Variants in DYNC2H1 observed in about 807,000 individuals in gnomAD.
DYNC2H1 encodes cytoplasmic dynein 2 heavy chain 1.
Under a neutral mutation model 570.0 loss-of-function variants are expected in DYNC2H1, and 410 were observed. The ratio of observed to expected loss-of-function variants is 0.72; its 90% CI spans 0.66 to 0.78. The LOEUF (loss-of-function observed/expected upper bound fraction) is 0.78. Among genes scored for constraint, DYNC2H1 ranks in the 30% least tolerant of loss-of-function variants. The probability of loss-of-function intolerance (pLI) is 0.00; values close to 1 mark genes in which losing one functional copy is unlikely to be tolerated. For missense variants in DYNC2H1, 4,865 were observed against 5,046.4 expected (o/e 0.96, Z 1.09); for synonymous variants, 1,688 against 1,677.6 (o/e 1.01, Z -0.15).
chr11:103,172,712 C>A (rs1331083206), intron 34 of DYNC2H1, among the ~76,000 whole-genome samples: 1 of 151,974 alleles, frequency 6.6e-6, no homozygotes, highest in Non-Finnish European at 1.5e-5. Flanking sequence ...TTATTTAGTT[C>A]AGTTGTCTCT....
At position 103,303,181 on chromosome 11, in the gene DYNC2H1, T is replaced by A. The variant is rs863224375; in HGVS notation, c.11184T>A (p.Ser3728=). The A allele has an allele frequency of 1.2e-6, 2 of 1,612,800 alleles. No individual in the cohort carries two copies. The highest frequency in any genetic ancestry group is 1.7e-6 in the Non-Finnish European group (2 of 1,179,102). Residue 3728 remains serine (S), a synonymous_variant, in exon 76 of 89, where the codon TCT becomes TCA. Coordinates refer to ENST00000375735, the MANE Select transcript of DYNC2H1 (RefSeq NM_001377.3). ...LEIEPILIII[S]PGADPSQELQ... Reference sequence around the variant, plus strand: ...TTGAACCCATCTTGATAATTATTTCTCCGGGTGCTGATCCTTCTCAGGAAC... The same window carrying A: ...TTGAACCCATCTTGATAATTATTTCACCGGGTGCTGATCCTTCTCAGGAAC...
Position 103,363,091 on chromosome 11 carries a change from T to C in DYNC2H1, c.12156+4732T>C, listed in dbSNP as rs1177373801. 6.6e-6 allele frequency among the ~76,000 whole-genome samples: 1 copy of C among 152,032 alleles called. No individual in the cohort carries two copies. Among genetic ancestry groups the C allele is most frequent in the Non-Finnish European group, 1.5e-5 (1 of 68,008 alleles). ...TAACAGGCATTTCATTTAAGTATACTGACAGCTGGTCTAGGTTTAGCTTGA... is the reference window on the plus strand; with the variant it reads ...TAACAGGCATTTCATTTAAGTATACCGACAGCTGGTCTAGGTTTAGCTTGA... On this transcript the variant is annotated intron_variant, in intron 83 of 88. Transcript: ENST00000375735. The surrounding 1 kb of genome is among the most constrained non-coding windows in gnomAD (Gnocchi z 5.6).
At position 103,145,223 on chromosome 11, in the gene DYNC2H1, A is replaced by G. The variant is rs1860180383; in HGVS notation, c.2702+1828A>G. ...TATCTTGTTGGAACTCAAAATGAGG[A>G]GGAGGAAATAGTATGAGGAATTAAG... On this transcript the variant is annotated intron_variant, in intron 18 of 88. Coordinates refer to ENST00000375735, the MANE Select transcript of DYNC2H1 (RefSeq NM_001377.3). The surrounding 1 kb of genome is among the most constrained non-coding windows in gnomAD (Gnocchi z 4.2). 6.6e-6 allele frequency among the ~76,000 whole-genome samples: 1 copy of G among 152,136 alleles called. No homozygotes were observed. The highest frequency in any genetic ancestry group is 6.6e-5 in the Admixed American group (1 of 15,264).
rs1050049625 is a variant in DYNC2H1 at position 103,205,239 on chromosome 11, T to C, written c.8454+275T>C. On this transcript the variant is annotated intron_variant, in intron 52 of 88. Coordinates refer to ENST00000375735, the MANE Select transcript of DYNC2H1 (RefSeq NM_001377.3). The surrounding 1 kb of genome is among the most constrained non-coding windows in gnomAD (Gnocchi z 4.5). ...TAATTAACTAGCCTATTACAGGCTG[T>C]CCTAGATTTTTAAAAAATCATAGCA... 6.6e-6 allele frequency among the ~76,000 whole-genome samples: 1 copy of C among 152,180 alleles called. No homozygotes were observed.
At chr11:103,381,157 A>C (rs1306505677) in intron 83 of DYNC2H1, among the ~76,000 whole-genome samples, 1 of 152,186 alleles carries the variant, frequency 6.6e-6, no homozygotes, top group Non-Finnish European at 1.5e-5. Context: ...AGAAGTTATA[A>C]TGTTCTAAGA....
chr11:103,330,345 A>G (rs558587750), intron 82 of DYNC2H1, among the ~76,000 whole-genome samples: 1 of 152,140 alleles, frequency 6.6e-6, no homozygotes, highest in African/African-American at 2.4e-5. Flanking sequence ...GTTTGAGTAA[A>G]TGAGAAACAC....
chr11:103,425,385 A>G (rs1434227553), intron 84 of DYNC2H1, among the ~76,000 whole-genome samples: 1 of 152,120 alleles, frequency 6.6e-6, no homozygotes, highest in Non-Finnish European at 1.5e-5. Context: ...CGCCTTCCAC[A>G]TTGCAGGCAG....
At chr11:103,387,437 C>T (rs1009454199) in intron 83 of DYNC2H1, among the ~76,000 whole-genome samples, 6 of 152,126 alleles carry the variant, frequency 3.9e-5, no homozygotes, top group African/African-American at 1.4e-4. Context: ...AAAATTTTCT[C>T]CTATTCTGTC....
intron 88 of DYNC2H1, among the ~76,000 whole-genome samples, chr11:103,476,918 G>A (rs1945570001): frequency 6.6e-6 from 1 of 152,218 alleles, no homozygotes; most frequent in South Asian, 2.1e-4. Context: ...CCAAAAAGCT[G>A]ATTTTTTCTA....
intron 85 of DYNC2H1, among the ~76,000 whole-genome samples, chr11:103,441,944 C>A (rs929094884): frequency 6.6e-6 from 1 of 152,064 alleles, no homozygotes; most frequent in Non-Finnish European, 1.5e-5. Flanking sequence ...CCTAACTCAT[C>A]TTAGTAACTT....
At position 103,135,649 on chromosome 11, in the gene DYNC2H1, C is replaced by T. The variant is rs775605722; in HGVS notation, c.2345+15C>T. On this transcript the variant is annotated intron_variant, in intron 16 of 88. Coordinates refer to ENST00000375735, the MANE Select transcript of DYNC2H1 (RefSeq NM_001377.3). ...TTAACTTACAAGTAAGATGTTTTTT[C>T]AACCCCAATTTAATGTTCATTGTAT... 3 of 1,607,756 alleles carry T rather than the reference C, an allele frequency of 1.9e-6. No homozygotes were observed. In the South Asian group the frequency reaches 3.4e-5, roughly 18 times the overall value.
chr11:103,328,741 GTTTT>G (rs1236622962), intron 82 of DYNC2H1, among the ~76,000 whole-genome samples: 3 of 152,132 alleles, frequency 2.0e-5, no homozygotes, highest in Non-Finnish European at 4.4e-5. Flanking sequence ...GTAGTTAGCA[GTTTT>G]TTTGTTTTTG....
At chr11:103,282,073 C>T in intron 71 of DYNC2H1, 106 bp from the exon 72 acceptor site, 1 of 863,572 alleles carries the variant, frequency 1.2e-6, no homozygotes, top group South Asian at 1.7e-5. Flanking sequence ...AAATGAGTAT[C>T]TGCTTAGAAA....
chr11:103,469,355 A>G (rs1195609885), intron 88 of DYNC2H1, among the ~76,000 whole-genome samples: 1 of 152,228 alleles, frequency 6.6e-6, no homozygotes, highest in African/African-American at 2.4e-5. Context: ...GTAAAGAAGC[A>G]CATAACTTTT....
chr11:103,242,463 C>T (rs1202702043), intron 63 of DYNC2H1, among the ~76,000 whole-genome samples: 1 of 152,114 alleles, frequency 6.6e-6, no homozygotes, highest in Non-Finnish European at 1.5e-5. Flanking sequence ...ATAAGGGGGA[C>T]TGCTGTACCC....
At chr11:103,164,090 G>T (rs1861203138) in intron 30 of DYNC2H1, among the ~76,000 whole-genome samples, 1 of 152,126 alleles carries the variant, frequency 6.6e-6, no homozygotes, top group African/African-American at 2.4e-5. Flanking sequence ...AACCAGAGTA[G>T]ACTGCTTTAT....
At chr11:103,178,994 A>AT (rs1861740103) in intron 38 of DYNC2H1, 32 bp from the exon 39 acceptor site, 1 of 1,572,458 alleles carries the variant, frequency 6.4e-7, no homozygotes, top group South Asian at 1.2e-5. Context: ...ATATATTTTT[A>AT]TTTTGTCTCC....
intron 17 of DYNC2H1, among the ~76,000 whole-genome samples, chr11:103,141,934 C>T (rs1289580799): frequency 3.9e-5 from 6 of 152,314 alleles, no homozygotes; most frequent in Non-Finnish European, 7.3e-5. Flanking sequence ...CCCACAGCCT[C>T]GCTGCCACCT....
At chr11:103,120,355 A>G (rs190331041) in intron 6 of DYNC2H1, 92 bp from the exon 7 acceptor site, 480 of 1,221,626 alleles carry the variant, frequency 3.9e-4, no homozygotes, top group Admixed American at 1.7e-3. Context: ...CCTAATTTAA[A>G]GAAATTCTTG....
Sources: allele counts gnomAD v4.1 joint callset (sites outside exome capture counted in the v4.1 genomes callset), GRCh38; gene constraint gnomAD v4.1.1; non-coding constraint Gnocchi (gnomAD v3.1); transcripts MANE v1.5; gene names NCBI Gene and HGNC (gene_info 2026-07-23, HGNC 2026-07-21).